The following ITPR2 variants were observed in gnomAD, a reference collection of about 807,000 sequenced individuals.
ITPR2 encodes the protein inositol 1,4,5-trisphosphate-gated calcium channel ITPR2.
In ITPR2, 207 loss-of-function variants were observed where a neutral mutation model predicts 317.1. The ratio of observed to expected loss-of-function variants is 0.65; its 90% CI spans 0.58 to 0.73. ITPR2 has a LOEUF of 0.73. Ranked by LOEUF, ITPR2 falls within the 30% of genes least tolerant of loss-of-function variation. ITPR2 has a pLI of 0.00. For missense variants in ITPR2, 2,613 were observed against 3,284.0 expected (o/e 0.80, Z 4.99); for synonymous variants, 1,156 against 1,149.1 (o/e 1.01, Z -0.12).
At chr12:26,686,177 T>C (rs1948120411) in intron 11 of ITPR2, among the ~76,000 whole-genome samples, 1 of 152,088 alleles carries the variant, frequency 6.6e-6, no homozygotes, top group Non-Finnish European at 1.5e-5. Context: ...AAATGATAAA[T>C]ATATAAATAG....
intron 2 of ITPR2, among the ~76,000 whole-genome samples, chr12:26,782,151 A>C (rs1367542370): frequency 6.6e-6 from 1 of 151,086 alleles, no homozygotes; most frequent in Non-Finnish European, 1.5e-5. Context: ...ATCCTATTAT[A>C]CAGAACTATA....
chr12:26,735,585 G>C (rs184270431), intron 2 of ITPR2, among the ~76,000 whole-genome samples: 5 of 152,334 alleles, frequency 3.3e-5, no homozygotes, highest in Admixed American at 2.0e-4. Context: ...GGTCATGTGT[G>C]GGTTTGTGCA....
intron 55 of ITPR2, among the ~76,000 whole-genome samples, chr12:26,355,581 A>G (rs1233676684): frequency 4.6e-5 from 7 of 152,220 alleles, no homozygotes; most frequent in Non-Finnish European, 1.0e-4. Flanking sequence ...GGGTTTTAAC[A>G]TATTTCTTTT....
intron 2 of ITPR2, among the ~76,000 whole-genome samples, chr12:26,732,986 C>T (rs1188483404): frequency 6.6e-6 from 1 of 152,120 alleles, no homozygotes; most frequent in Non-Finnish European, 1.5e-5. Context: ...CAATTAAAGA[C>T]TGAATTGTTA....
intron 2 of ITPR2, among the ~76,000 whole-genome samples, chr12:26,783,320 T>C (rs78385622): frequency 0.16 from 24,420 of 152,220 alleles, 2,710 homozygotes; most frequent in Non-Finnish European, 0.24. Context: ...ATCTCAGAAC[T>C]GGAACCTTCA....
chr12:26,440,482 C>T (rs75709183), intron 46 of ITPR2, among the ~76,000 whole-genome samples: 7,107 of 152,114 alleles, frequency 0.047, 239 homozygotes, highest in South Asian at 0.17. Context: ...TACTGGTACT[C>T]CAGACTTCCC....
intron 2 of ITPR2, among the ~76,000 whole-genome samples, chr12:26,753,985 A>T (rs908844228): frequency 1.3e-5 from 2 of 152,146 alleles, no homozygotes; most frequent in Non-Finnish European, 1.5e-5. Flanking sequence ...TAAGTCCTTT[A>T]TCTTCTTCTG....
intron 55 of ITPR2, among the ~76,000 whole-genome samples, chr12:26,384,573 A>G (rs573312336): frequency 6.6e-6 from 1 of 152,334 alleles, no homozygotes; most frequent in East Asian, 1.9e-4. Context: ...GGATACTTAA[A>G]AATTCAAGTA....
chr12:26,474,644 A>C (rs1477862905), intron 45 of ITPR2, among the ~76,000 whole-genome samples: 1 of 151,584 alleles, frequency 6.6e-6, no homozygotes, highest in Admixed American at 6.6e-5. Context: ...ATACAAAAAA[A>C]TTAGCCGGGC....
intron 2 of ITPR2, among the ~76,000 whole-genome samples, chr12:26,777,877 G>A (rs1950003874): frequency 6.6e-6 from 1 of 152,108 alleles, no homozygotes; most frequent in South Asian, 2.1e-4. Flanking sequence ...TTTTACCTGG[G>A]TAACTGTGCA....
intron 15 of ITPR2, among the ~76,000 whole-genome samples, chr12:26,661,254 G>A (rs1322627515): frequency 7.4e-6 from 1 of 134,540 alleles, no homozygotes; most frequent in Non-Finnish European, 1.6e-5. Context: ...GGAGTGATAT[G>A]ACTAGGTAGG....
At chr12:26,421,829 A>G (rs1592008534) in intron 49 of ITPR2, among the ~76,000 whole-genome samples, 1 of 152,136 alleles carries the variant, frequency 6.6e-6, no homozygotes, top group East Asian at 1.9e-4. Context: ...TACTCTGTCT[A>G]TTATTCAAAG....
At chr12:26,770,978 A>G (rs1206402335) in intron 2 of ITPR2, among the ~76,000 whole-genome samples, 13 of 152,180 alleles carry the variant, frequency 8.5e-5, no homozygotes, top group Admixed American at 8.5e-4. Flanking sequence ...TATGGCAGCA[A>G]AAGTCCATTT....
chr12:26,514,774 G>C (rs190699854), intron 37 of ITPR2, among the ~76,000 whole-genome samples: 1 of 147,710 alleles, frequency 6.8e-6, no homozygotes, highest in Non-Finnish European at 1.5e-5. Context: ...ATTTGGTTAC[G>C]CACAATAATA....
At chr12:26,832,441 A>G (rs1951129242) in intron 1 of ITPR2, among the ~76,000 whole-genome samples, 1 of 152,236 alleles carries the variant, frequency 6.6e-6, no homozygotes, top group South Asian at 2.1e-4. Context: ...CTTCTGAATC[A>G]CTTCCTCCTT....
At chr12:26,404,012 C>T (rs1940265400) in intron 52 of ITPR2, among the ~76,000 whole-genome samples, 1 of 152,040 alleles carries the variant, frequency 6.6e-6, no homozygotes, top group Non-Finnish European at 1.5e-5. Context: ...AGGAAATATT[C>T]AAGGCAGCGA....
Position 26,602,682 on chromosome 12 carries a change from G to C in ITPR2, c.3487C>G (p.Gln1163Glu). ...IEESNILSPVQDGTKKPQIDS... is the reference protein window; with the variant it reads ...IEESNILSPVEDGTKKPQIDS... Reference sequence around the variant, plus strand: ...ATCTGAGGTTTCTTTGTTCCATCCTGCACTGGACTTAAAATGTTTGATTCC... The same window carrying C: ...ATCTGAGGTTTCTTTGTTCCATCCTCCACTGGACTTAAAATGTTTGATTCC... Residue 1163 changes from glutamine (Q) to glutamate (E), a missense_variant, in exon 27 of 57, where the codon CAG (glutamine) becomes GAG (glutamate). By Grantham distance (29) the Gln-to-Glu change is conservative. This residue lies in a region of ITPR2 where 817 missense variants were observed against 897.6 expected (regional missense o/e 0.91). Coordinates refer to ENST00000381340, the MANE Select transcript of ITPR2 (RefSeq NM_002223.4). 6.2e-7 allele frequency: 1 copy of C among 1,603,428 alleles called. No individual in the cohort carries two copies. Among genetic ancestry groups the C allele is most frequent in the South Asian group, 1.1e-5 (1 of 88,982 alleles).
At chr12:26,515,132 C>T (rs1278206761) in intron 37 of ITPR2, among the ~76,000 whole-genome samples, 2 of 152,042 alleles carry the variant, frequency 1.3e-5, no homozygotes, top group African/African-American at 4.8e-5. Context: ...CCAGTATCAG[C>T]AAAATAACAA....
Position 26,339,226 on chromosome 12 carries a change from T to C in ITPR2, c.*171A>G, listed in dbSNP as rs1938022464. ...ATTTGAGGTTAGGTCTTCGCAACCA[T>C]GAAAACACAGTTATAAATTGTTCTC... is the stretch of plus-strand genomic sequence containing the variant. On this transcript the variant is annotated 3_prime_UTR_variant, in exon 57 of 57. Transcript: ENST00000381340. The C allele has an allele frequency of 3.3e-6, 2 of 600,228 alleles. No individual in the cohort carries two copies. The highest frequency in any genetic ancestry group is 4.6e-4 in the Middle Eastern group (1 of 2,174). 37.2% of individuals were successfully genotyped at this position (600,228 alleles called of 1,614,324 possible). A position where few individuals can be genotyped will look rare whatever the true frequency, so the allele number is the denominator to read the frequency against.
Sources: allele counts gnomAD v4.1 joint callset (sites outside exome capture counted in the v4.1 genomes callset), GRCh38; gene constraint gnomAD v4.1.1; regional missense constraint gnomAD v4.1.1; transcripts MANE v1.5; gene names NCBI Gene and HGNC (gene_info 2026-07-23, HGNC 2026-07-21).